Variants in ADAM22 observed in about 807,000 individuals in gnomAD.
ADAM22 encodes the protein disintegrin and metalloproteinase domain-containing protein 22.
ADAM22 carries 65 observed loss-of-function variants against 144.6 expected under a neutral mutation model. That is an observed-to-expected ratio of 0.45 (90% CI 0.37 to 0.55). The LOEUF (loss-of-function observed/expected upper bound fraction) is 0.55. ADAM22 is among the 20% of genes least tolerant of loss of function. The pLI, the probability that ADAM22 is intolerant of heterozygous loss-of-function variation, is 0.00. For missense variants in ADAM22, 974 were observed against 1,184.9 expected (o/e 0.82, Z 2.61); for synonymous variants, 391 against 412.6 (o/e 0.95, Z 0.63).
At position 88,118,659 on chromosome 7, in the gene ADAM22, A is replaced by C. The variant is rs796756511; in HGVS notation, c.607+1845A>C. Among the ~76,000 whole-genome samples, 154 of 147,610 alleles carry C rather than the reference A, an allele frequency of 1.0e-3. 1 individual carries two copies. The highest frequency in any genetic ancestry group is 0.01 in the South Asian group (47 of 4,582). ...CTTATATATCTATCTATCTATCTAT[A>C]TATATATATATCTTTTTTTTTTTTG... On this transcript the variant is annotated intron_variant, in intron 7 of 31. Transcript: ENST00000413139.
intron 3 of ADAM22, among the ~76,000 whole-genome samples, chr7:88,018,510 A>T (rs1041685791): frequency 6.6e-6 from 1 of 152,194 alleles, no homozygotes; most frequent in African/African-American, 2.4e-5. Flanking sequence ...GTAGGTGTAT[A>T]AAAAACAAAG....
rs1338277247 is a variant in ADAM22, at chr7:87,934,283, C to G, written c.-183C>G. 3.8e-6 allele frequency: 2 copies of G among 528,008 alleles called. No individual in the cohort carries two copies. Among genetic ancestry groups the G allele is most frequent in the African/African-American group, 4.1e-5 (2 of 49,086 alleles). The allele number at this position is 528,008 out of a possible 1,614,324, so 32.7% of individuals were successfully genotyped here. On this transcript the variant is annotated 5_prime_UTR_variant, in exon 1 of 32. Transcript: ENST00000413139. ...CGCTCCCCCCGCCAGCGGAAGCGTC[C>G]GCGAAGCACAATGCAGCACTGAGCC...
At chr7:87,963,258 T>G (rs1478709686) in intron 2 of ADAM22, among the ~76,000 whole-genome samples, 1 of 152,066 alleles carries the variant, frequency 6.6e-6, no homozygotes, top group Non-Finnish European at 1.5e-5. Flanking sequence ...CAGGGAAAGT[T>G]TCAGTCATGA....
chr7:88,194,813 G>T (rs1850341452), intron 31 of ADAM22, among the ~76,000 whole-genome samples: 2 of 152,098 alleles, frequency 1.3e-5, no homozygotes, highest in Admixed American at 1.3e-4. Context: ...CCCACCACAA[G>T]CCCCATTTAA....
chr7:88,084,986 T>C (rs1327497245), intron 4 of ADAM22, among the ~76,000 whole-genome samples: 1 of 152,186 alleles, frequency 6.6e-6, no homozygotes, highest in African/African-American at 2.4e-5. Flanking sequence ...TAATCTCTTC[T>C]TGTGAGAACA....
chr7:88,145,348 A>G, intron 16 of ADAM22, 67 bp from the exon 17 acceptor site: 1 of 1,509,304 alleles, frequency 6.6e-7, no homozygotes, highest in African/African-American at 1.4e-5. Context: ...TATTTTAGAA[A>G]ATATCCTGTT....
chr7:88,131,710 A>G (rs531299385), intron 11 of ADAM22: 61 of 421,878 alleles, frequency 1.4e-4, no homozygotes, highest in African/African-American at 1.2e-3. Flanking sequence ...ATACTCATAT[A>G]TAGTATTCTT....
chr7:88,181,834 G>A lies in ADAM22; in HGVS notation c.2597-124G>A, dbSNP rs902688087. On this transcript the variant is annotated intron_variant, in intron 28 of 31. Transcript: ENST00000413139. ...ATTTAATTTGAGAAAGCTGTACAGTGTGACAAACCCGGTGTTCCACAGTGG... is the reference window on the plus strand; with the variant it reads ...ATTTAATTTGAGAAAGCTGTACAGTATGACAAACCCGGTGTTCCACAGTGG... 5.7e-5 allele frequency: 53 copies of A among 924,104 alleles called. No homozygotes were observed. In the Admixed American group the frequency reaches 1.1e-3, roughly 19 times the overall value. 57.2% of individuals were successfully genotyped at this position (924,104 alleles called of 1,614,324 possible).
In ADAM22 at chr7:88,075,687, G is replaced by C. The variant is rs1386356639; in HGVS notation, c.385G>C (p.Val129Leu). 1.9e-6 allele frequency: 3 copies of C among 1,612,884 alleles called. No individual in the cohort carries two copies. The change falls in exon 4 of 32, where the codon GTT becomes CTT. Residue 129 changes from valine (V) to leucine (L), a missense_variant. Around this residue, in one of 2 missense-constraint regions of ADAM22, gnomAD observed 240 missense variants for 234.3 expected, o/e 1.02. Transcript: ENST00000413139. ...HIEHGGKTVE[V>L]KGGEHCYYQG... is the part of the protein sequence containing the mutation. Reference sequence around the variant, plus strand: ...TGAACATGGAGGCAAGACTGTGGAAGTTAAAGTAAGTGAAATTTTCCTACT... The same window carrying C: ...TGAACATGGAGGCAAGACTGTGGAACTTAAAGTAAGTGAAATTTTCCTACT...
At chr7:88,190,210 G>C (rs1386441133) in intron 30 of ADAM22, among the ~76,000 whole-genome samples, 1 of 152,034 alleles carries the variant, frequency 6.6e-6, no homozygotes, top group Admixed American at 6.6e-5. Flanking sequence ...ATTCTAATAG[G>C]GTATCCATTA....
chr7:88,165,917 C>T lies in ADAM22; in HGVS notation c.2162C>T (p.Ala721Val), dbSNP rs997324849. The change falls in exon 24 of 32, where the codon GCA (alanine) becomes GTA (valine). Residue 721 changes from alanine (A) to valine (V), a missense_variant. Ala to Val is a moderately conservative substitution (Grantham distance 64). Coordinates refer to ENST00000413139, the MANE Select transcript of ADAM22 (RefSeq NM_001324418.2). ...ACTTACTTCCCTCACAATGATGATG[C>T]AAAGACTGGTATCACTCTGTCTGGC... Reference protein sequence around the residue: ...CNTYFPHNDDAKTGITLSGNG... With the variant: ...CNTYFPHNDDVKTGITLSGNG... 2 of 1,611,370 alleles carry T rather than the reference C, an allele frequency of 1.2e-6. No individual in the cohort carries two copies. The highest frequency in any genetic ancestry group is 8.5e-7 in the Non-Finnish European group (1 of 1,178,670).
intron 2 of ADAM22, among the ~76,000 whole-genome samples, chr7:87,936,559 C>T (rs1841296873): frequency 6.6e-6 from 1 of 152,138 alleles, no homozygotes; most frequent in African/African-American, 2.4e-5. Context: ...CAACAATTAG[C>T]AACTCATGGC....
At chr7:88,128,899 CATA>C (rs1301559718) in intron 9 of ADAM22, among the ~76,000 whole-genome samples, 1 of 152,014 alleles carries the variant, frequency 6.6e-6, no homozygotes, top group Non-Finnish European at 1.5e-5. Flanking sequence ...CTTTGTGACT[CATA>C]GTATCAACTT....
chr7:87,962,451 C>T (rs968482884), intron 2 of ADAM22, among the ~76,000 whole-genome samples: 3 of 152,102 alleles, frequency 2.0e-5, no homozygotes, highest in Non-Finnish European at 4.4e-5. Flanking sequence ...AGCCATGCAC[C>T]TCAATGAGAG....
chr7:87,934,445 A>G lies in ADAM22; in HGVS notation c.-21A>G. 2 of 1,577,000 alleles carry G rather than the reference A, an allele frequency of 1.3e-6. No homozygotes were observed. The highest frequency in any genetic ancestry group is 8.6e-7 in the Non-Finnish European group (1 of 1,166,810). ...CATGAGGAGCTGAGCGTCTCGGGCG[A>G]GGCGGGCTGACGGCAGCACCATGCA... is the stretch of plus-strand genomic sequence containing the variant. On this transcript the variant is annotated 5_prime_UTR_variant, in exon 1 of 32. Coordinates refer to ENST00000413139, the MANE Select transcript of ADAM22 (RefSeq NM_001324418.2).
intron 2 of ADAM22, among the ~76,000 whole-genome samples, chr7:87,945,338 T>C (rs1843434244): frequency 6.6e-6 from 1 of 152,152 alleles, no homozygotes; most frequent in Admixed American, 6.5e-5. Flanking sequence ...TGCCATAGAT[T>C]GTGAATTTTC....
intron 3 of ADAM22, among the ~76,000 whole-genome samples, chr7:88,025,112 C>A (rs1400027882): frequency 6.6e-6 from 1 of 152,132 alleles, no homozygotes; most frequent in Non-Finnish European, 1.5e-5. Flanking sequence ...TTCTAGATCC[C>A]TGAGGAATTG....
At chr7:88,065,077 C>A (rs1459452132) in intron 3 of ADAM22, among the ~76,000 whole-genome samples, 1 of 151,850 alleles carries the variant, frequency 6.6e-6, no homozygotes, top group Non-Finnish European at 1.5e-5. Context: ...GTGATAAGTA[C>A]CCAGAAGAAA....
intron 2 of ADAM22, among the ~76,000 whole-genome samples, chr7:87,945,548 C>G (rs1174927324): frequency 1.3e-5 from 2 of 148,174 alleles, no homozygotes; most frequent in Non-Finnish European, 1.5e-5. Flanking sequence ...GAGTCTCACT[C>G]TGTCGCCAGG....
Sources: gnomAD v4.1 joint callset for allele counts (sites outside exome capture counted in the v4.1 genomes callset) on GRCh38, gnomAD v4.1.1 for gene constraint, gnomAD v4.1.1 regional missense constraint, MANE v1.5 for transcripts, NCBI Gene and HGNC (gene_info 2026-07-23, HGNC 2026-07-21) for gene names.